PPARGC1A: variants seen among roughly 807,000 people sequenced by gnomAD.
The protein encoded by PPARGC1A is peroxisome proliferator-activated receptor gamma coactivator 1-alpha.
Under a neutral mutation model 88.7 loss-of-function variants are expected in PPARGC1A, and 25 were observed. The observed-to-expected ratio is 0.28, with a 90% CI of 0.21 to 0.39. The LOEUF (loss-of-function observed/expected upper bound fraction) is 0.39, where lower values mean the gene tolerates loss of function less well. Ranked by LOEUF, PPARGC1A falls within the 10% of genes least tolerant of loss-of-function variation. PPARGC1A has a pLI of 1.00. For missense variants in PPARGC1A, 880 were observed against 968.7 expected, an observed-to-expected ratio of 0.91 and a Z score of 1.22; for synonymous variants, 363 against 355.6, an observed-to-expected ratio of 1.02 and a Z score of -0.24.
chr4:24,348,157 G>T, the PPARGC1A span, among the ~76,000 whole-genome samples: 1 of 152,182 alleles, frequency 6.6e-6, no homozygotes, highest in Non-Finnish European at 1.5e-5. Flanking sequence ...AGCTTGTAAG[G>T]TTTCTGCTGA....
chr4:24,049,981 G>C, the PPARGC1A span, among the ~76,000 whole-genome samples: 1 of 152,102 alleles, frequency 6.6e-6, no homozygotes, highest in East Asian at 1.9e-4. Context: ...TCATCAGTGT[G>C]CTTAATCAAG....
At chr4:24,332,502 T>A in the PPARGC1A span, among the ~76,000 whole-genome samples, 2,592 of 152,330 alleles carry the variant, frequency 0.017, 67 homozygotes, top group East Asian at 0.12. Context: ...ACTTGTTGAA[T>A]GAACAAAGGA....
the PPARGC1A span, among the ~76,000 whole-genome samples, chr4:24,207,152 G>A: frequency 1.3e-5 from 2 of 151,958 alleles, no homozygotes; most frequent in Non-Finnish European, 2.9e-5. Flanking sequence ...TACCAGACAA[G>A]GCAAAATGGG....
chr4:23,931,726 C>T, the PPARGC1A span, among the ~76,000 whole-genome samples: 15 of 152,150 alleles, frequency 9.9e-5, 1 homozygote, highest in African/African-American at 3.1e-4. Context: ...ACCTAAGTTA[C>T]AAGACTGCCA....
chr4:24,358,030 G>A, the PPARGC1A span, among the ~76,000 whole-genome samples: 1 of 152,088 alleles, frequency 6.6e-6, no homozygotes, highest in Non-Finnish European at 1.5e-5. Context: ...TAACATTTAG[G>A]AGCATCCACA....
the PPARGC1A span, among the ~76,000 whole-genome samples, chr4:24,229,496 G>A: frequency 6.6e-6 from 1 of 151,526 alleles, no homozygotes; most frequent in African/African-American, 2.4e-5. Context: ...CGTTCAGCCT[G>A]GGTGAGACCC....
At chr4:24,310,902 G>C in the PPARGC1A span, among the ~76,000 whole-genome samples, 1 of 152,004 alleles carries the variant, frequency 6.6e-6, no homozygotes, top group East Asian at 1.9e-4. Context: ...AACAGACTTT[G>C]ATTTTAAAGC....
Position 23,884,988 on chromosome 4 carries a change from T to C in PPARGC1A, c.55-57A>G, listed in dbSNP as rs367798215. 122 of 1,425,446 alleles carry C rather than the reference T, an allele frequency of 8.6e-5. No individual in the cohort carries two copies. In the African/African-American group the frequency reaches 1.5e-3, roughly 18 times the overall value. The allele number at this position is 1,425,446 out of a possible 1,614,324, so 88.3% of individuals were successfully genotyped here. A position where few individuals can be genotyped will look rare whatever the true frequency, so the allele number is the denominator to read the frequency against. The stretch of plus-strand genomic sequence containing the variant: ...AGCTTCCATTAACCACAGGAATTTA[T>C]TAAACTGCAATAGCATGTGATAGGA... On this transcript the variant is annotated intron_variant, in intron 1 of 12. Transcript: ENST00000264867.
At chr4:24,315,857 T>C in the PPARGC1A span, among the ~76,000 whole-genome samples, 8 of 152,292 alleles carry the variant, frequency 5.3e-5, no homozygotes, top group African/African-American at 1.7e-4. Context: ...GCCAGGTCCT[T>C]TCCGGGCATT....
the PPARGC1A span, chr4:24,091,530 C>T: frequency 2.0e-6 from 2 of 985,260 alleles, no homozygotes; most frequent in South Asian, 4.7e-5. Flanking sequence ...GGGGAGGTCT[C>T]ATCCATTGCT....
the PPARGC1A span, among the ~76,000 whole-genome samples, chr4:24,054,308 T>TAAAAAAAA: frequency 1.5e-5 from 2 of 134,912 alleles, no homozygotes; most frequent in African/African-American, 5.6e-5. Context: ...ATCCTTCTTG[T>TAAAAAAAA]AAAAAAAAAA....
At chr4:24,369,187 CT>C in the PPARGC1A span, among the ~76,000 whole-genome samples, 2 of 152,172 alleles carry the variant, frequency 1.3e-5, no homozygotes, top group Non-Finnish European at 2.9e-5. Flanking sequence ...TCACCTCCTT[CT>C]TTTTGTGTAT....
intron 3 of PPARGC1A, among the ~76,000 whole-genome samples, chr4:23,830,663 T>G (rs1267517292): frequency 6.6e-6 from 1 of 152,218 alleles, no homozygotes; most frequent in Non-Finnish European, 1.5e-5. Context: ...CTAAATGGCA[T>G]GCCAAACACG....
At chr4:24,345,269 T>A in the PPARGC1A span, among the ~76,000 whole-genome samples, 1 of 44,430 alleles carries the variant, frequency 2.3e-5, no homozygotes, top group Admixed American at 1.5e-4. Flanking sequence ...AATTTTAGAA[T>A]TTTTTTTTTT....
chr4:24,053,545 TTG>T, the PPARGC1A span, among the ~76,000 whole-genome samples: 1 of 152,146 alleles, frequency 6.6e-6, no homozygotes, highest in Non-Finnish European at 1.5e-5. Flanking sequence ...CCCTAAATGT[TTG>T]TGACAACTAA....
the PPARGC1A span, among the ~76,000 whole-genome samples, chr4:24,147,725 GGTATGCA>G: frequency 6.6e-6 from 1 of 152,008 alleles, no homozygotes. Flanking sequence ...ATTAATTTAG[GGTATGCA>G]GTCACATTGG....
At chr4:24,166,532 C>G in the PPARGC1A span, among the ~76,000 whole-genome samples, 1 of 152,162 alleles carries the variant, frequency 6.6e-6, no homozygotes, top group South Asian at 2.1e-4. Flanking sequence ...CTGATTCTCT[C>G]GTTAGAGGTT....
the PPARGC1A span, among the ~76,000 whole-genome samples, chr4:24,360,158 C>T: frequency 6.6e-6 from 1 of 152,202 alleles, no homozygotes; most frequent in African/African-American, 2.4e-5. Flanking sequence ...CATCAACTCT[C>T]CCCTGAATTG....
chr4:24,327,694 A>C, the PPARGC1A span, among the ~76,000 whole-genome samples: 1 of 151,716 alleles, frequency 6.6e-6, no homozygotes, highest in Admixed American at 6.6e-5. Flanking sequence ...TACCGCCCCT[A>C]ATCCCGCTTG....
Sources: allele counts gnomAD v4.1 joint callset (sites outside exome capture counted in the v4.1 genomes callset), GRCh38; gene constraint gnomAD v4.1.1; transcripts MANE v1.5; gene names NCBI Gene and HGNC (gene_info 2026-07-23, HGNC 2026-07-21).